BTRC: variants seen among roughly 807,000 people sequenced by gnomAD.
BTRC encodes F-box/WD repeat-containing protein 1A.
Under a neutral mutation model 85.5 loss-of-function variants are expected in BTRC, and 42 were observed. That is an observed-to-expected ratio of 0.49 (90% CI 0.38 to 0.64). BTRC has a LOEUF of 0.64. BTRC is among the 30% of genes least tolerant of loss of function. BTRC has a pLI of 0.00. For missense variants in BTRC, 594 were observed against 743.5 expected, an observed-to-expected ratio of 0.80 and a Z score of 2.34; for synonymous variants, 255 against 263.3, an observed-to-expected ratio of 0.97 and a Z score of 0.30.
At chr10:101,527,589 C>CA (rs965921594) in intron 6 of BTRC, among the ~76,000 whole-genome samples, 1 of 151,882 alleles carries the variant, frequency 6.6e-6, no homozygotes, top group Non-Finnish European at 1.5e-5. Context: ...CTCATCTCTA[C>CA]AAAAAAATCA....
chr10:101,361,996 C>T (rs1026658612), intron 1 of BTRC, among the ~76,000 whole-genome samples: 2 of 152,158 alleles, frequency 1.3e-5, no homozygotes, highest in African/African-American at 4.8e-5. Flanking sequence ...GAGTCTCACT[C>T]TGTCGCCAGA....
chr10:101,521,600 T>C, intron 4 of BTRC, 39 bp from the exon 5 acceptor site: 1 of 1,422,762 alleles, frequency 7.0e-7, no homozygotes, highest in Middle Eastern at 1.8e-4. Context: ...TCATTTTCAA[T>C]ACTAATCATT....
chr10:101,393,468 G>A (rs988738741), intron 1 of BTRC, among the ~76,000 whole-genome samples: 8 of 152,068 alleles, frequency 5.3e-5, no homozygotes, highest in Admixed American at 2.6e-4. Context: ...GAGGCCCGAG[G>A]CTCTCTTTTA....
chr10:101,497,427 A>G (rs1048322011), intron 4 of BTRC, among the ~76,000 whole-genome samples: 1 of 152,192 alleles, frequency 6.6e-6, no homozygotes, highest in Non-Finnish European at 1.5e-5. Context: ...AAAGCTGGGC[A>G]TGGTAGTTTA....
At chr10:101,361,611 T>G (rs963065235) in intron 1 of BTRC, among the ~76,000 whole-genome samples, 1 of 152,232 alleles carries the variant, frequency 6.6e-6, no homozygotes, top group East Asian at 1.9e-4. Flanking sequence ...CACTGGATCT[T>G]AACAGTTTCA....
chr10:101,420,614 C>T (rs138181232), intron 1 of BTRC, among the ~76,000 whole-genome samples: 151 of 152,240 alleles, frequency 9.9e-4, no homozygotes, highest in African/African-American at 3.6e-3. Flanking sequence ...GGCTCTGTCA[C>T]CTCATGCTGG....
At chr10:101,490,950 C>T (rs561299750) in intron 4 of BTRC, among the ~76,000 whole-genome samples, 1 of 151,764 alleles carries the variant, frequency 6.6e-6, no homozygotes, top group Non-Finnish European at 1.5e-5. Context: ...CCCAGCTACT[C>T]AGGAAGCTGA....
At chr10:101,358,892 G>C (rs945503409) in intron 1 of BTRC, among the ~76,000 whole-genome samples, 7 of 152,296 alleles carry the variant, frequency 4.6e-5, no homozygotes, top group Admixed American at 1.3e-4. Context: ...GAAGGGTGGC[G>C]TGCATAAACA....
intron 1 of BTRC, among the ~76,000 whole-genome samples, chr10:101,407,928 T>G (rs887572133): frequency 6.6e-6 from 1 of 151,790 alleles, no homozygotes; most frequent in African/African-American, 2.4e-5. Flanking sequence ...TTTACCATGT[T>G]GGCCAGGATG....
At chr10:101,366,783 T>TTTTTATATTA (rs1444010216) in intron 1 of BTRC, among the ~76,000 whole-genome samples, 2 of 103,178 alleles carry the variant, frequency 1.9e-5, no homozygotes, top group African/African-American at 6.9e-5. Context: ...TATATATATA[T>TTTTTATATTA]ATATATTTTT....
At chr10:101,385,190 C>A (rs1448027824) in intron 1 of BTRC, among the ~76,000 whole-genome samples, 2 of 147,536 alleles carry the variant, frequency 1.4e-5, no homozygotes, top group Non-Finnish European at 3.0e-5. Flanking sequence ...AGAGTGAGAT[C>A]CTGTCTCTAA....
At position 101,510,376 on chromosome 10, in the gene BTRC, G is replaced by C. The variant is rs554608642; in HGVS notation, c.325-11263G>C. ...ACAAAAAAATTTAGCCGAGCGTGGTGGTGGGTGCCTGTAGTCCCAGCTACT... is the reference window on the plus strand; with the variant it reads ...ACAAAAAAATTTAGCCGAGCGTGGTCGTGGGTGCCTGTAGTCCCAGCTACT... On this transcript the variant is annotated intron_variant, in intron 4 of 14. Coordinates refer to ENST00000370187, the MANE Select transcript of BTRC (RefSeq NM_033637.4). Among the ~76,000 whole-genome samples, 26 of 151,828 alleles carry C rather than the reference G, an allele frequency of 1.7e-4. No individual in the cohort carries two copies. The East Asian group carries it at 4.9e-3, about 29-fold the overall frequency.
At chr10:101,475,761 A>C (rs1945661676) in intron 3 of BTRC, among the ~76,000 whole-genome samples, 1 of 151,724 alleles carries the variant, frequency 6.6e-6, no homozygotes, top group Non-Finnish European at 1.5e-5. Context: ...CTTACAGAAG[A>C]ATTCCAGTTA....
chr10:101,491,969 G>GT (rs759594036), intron 4 of BTRC, among the ~76,000 whole-genome samples: 83 of 147,258 alleles, frequency 5.6e-4, no homozygotes, highest in South Asian at 3.6e-3. Flanking sequence ...AGTTGTTGTT[G>GT]TTTTTTTTTT....
At chr10:101,364,503 C>CT (rs35306295) in intron 1 of BTRC, among the ~76,000 whole-genome samples, 54,930 of 152,050 alleles carry the variant, frequency 0.36, 11,028 homozygotes, top group Middle Eastern at 0.48. Context: ...GTTTTAACAG[C>CT]TTTCCATCTC....
intron 13 of BTRC, among the ~76,000 whole-genome samples, chr10:101,541,381 T>G (rs1481112351): frequency 6.6e-6 from 1 of 152,152 alleles, no homozygotes; most frequent in Non-Finnish European, 1.5e-5. Flanking sequence ...TGCCTCAGCT[T>G]CCTGAGTAGC....
chr10:101,521,925 G>C, intron 5 of BTRC, 55 bp downstream of exon 5: 1 of 1,286,638 alleles, frequency 7.8e-7, no homozygotes, highest in African/African-American at 1.6e-5. Flanking sequence ...AAGAGAACTA[G>C]ATCTCCAGCT....
intron 1 of BTRC, among the ~76,000 whole-genome samples, chr10:101,377,633 G>A (rs1448446887): frequency 1.3e-5 from 2 of 152,082 alleles, no homozygotes; most frequent in African/African-American, 2.4e-5. Flanking sequence ...TGCATTCCTC[G>A]ATTCTTGATG....
Position 101,536,636 on chromosome 10 carries a change from C to T in BTRC, c.1560C>T (p.Val520=), listed in dbSNP as rs1166808520. The change falls in exon 12 of 15, where the codon GTC becomes GTT. Residue 520 remains valine (V), a synonymous_variant. Coordinates refer to ENST00000370187, the MANE Select transcript of BTRC (RefSeq NM_033637.4). ...TTCGATTTGATAACAAGAGGATAGT[C>T]AGTGGGGCCTATGATGGGTGAGTGT... ...RCIRFDNKRI[V]SGAYDGKIKV... The T allele has an allele frequency of 3.7e-6, 6 of 1,612,362 alleles. No homozygotes were observed. The South Asian group carries it at 5.5e-5, about 15-fold the overall frequency.
Sources: allele counts gnomAD v4.1 joint callset (sites outside exome capture counted in the v4.1 genomes callset), GRCh38; gene constraint gnomAD v4.1.1; transcripts MANE v1.5; gene names NCBI Gene and HGNC (gene_info 2026-07-23, HGNC 2026-07-21).